The following KCNIP4 variants were observed in gnomAD, a reference collection of about 807,000 sequenced individuals.
KCNIP4 encodes Kv channel-interacting protein 4.
In KCNIP4, 12 loss-of-function variants were observed where a neutral mutation model predicts 34.0. The observed-to-expected ratio is 0.35, with a 90% CI of 0.23 to 0.57. KCNIP4 has a LOEUF of 0.57. Among genes scored for constraint, KCNIP4 ranks in the 20% least tolerant of loss-of-function variants. The pLI is 0.83. For synonymous variants in KCNIP4, 124 were observed against 102.2 expected (o/e 1.21, Z -1.29); for missense variants, 238 against 311.7 (o/e 0.76, Z 1.78).
intron 1 of KCNIP4, among the ~76,000 whole-genome samples, chr4:21,183,109 C>T (rs899140194): frequency 2.6e-5 from 4 of 152,090 alleles, no homozygotes; most frequent in Admixed American, 1.3e-4. Flanking sequence ...TTGCAGCACA[C>T]GTCTTTGTGT....
chr4:21,184,609 G>A (rs1365292880), intron 1 of KCNIP4, among the ~76,000 whole-genome samples: 1 of 152,154 alleles, frequency 6.6e-6, no homozygotes, highest in South Asian at 2.1e-4. Flanking sequence ...TGGCACTTTT[G>A]TGTGTTCCAC....
intron 2 of KCNIP4, among the ~76,000 whole-genome samples, chr4:20,852,957 G>A (rs950966739): frequency 2.6e-5 from 4 of 152,118 alleles, no homozygotes; most frequent in Non-Finnish European, 5.9e-5. Flanking sequence ...ACAAAACACT[G>A]TTGAAAGAAA....
intron 1 of KCNIP4, among the ~76,000 whole-genome samples, chr4:21,338,264 CA>C (rs869150288): frequency 0.038 from 1,888 of 50,036 alleles, 35 homozygotes; most frequent in African/African-American, 0.084. Context: ...GACTCCTTCT[CA>C]AAAAAAAAAA....
At chr4:21,183,997 T>C (rs1407185964) in intron 1 of KCNIP4, among the ~76,000 whole-genome samples, 2 of 152,136 alleles carry the variant, frequency 1.3e-5, no homozygotes, top group African/African-American at 2.4e-5. Flanking sequence ...CCAAAAATTG[T>C]TGTTTATTAA....
At chr4:21,589,327 C>CAT (rs1410227798) in intron 1 of KCNIP4, among the ~76,000 whole-genome samples, 18 of 139,324 alleles carry the variant, frequency 1.3e-4, no homozygotes, top group Admixed American at 4.3e-4. Flanking sequence ...TACATATACA[C>CAT]GTGTATATAT....
At chr4:21,219,910 G>A (rs1403274398) in intron 1 of KCNIP4, among the ~76,000 whole-genome samples, 1 of 152,110 alleles carries the variant, frequency 6.6e-6, no homozygotes, top group Non-Finnish European at 1.5e-5. Context: ...TTCTTCTTCT[G>A]TATAAAATAC....
intron 3 of KCNIP4, among the ~76,000 whole-genome samples, chr4:20,849,021 C>T (rs932696105): frequency 6.6e-6 from 1 of 152,142 alleles, no homozygotes; most frequent in Admixed American, 6.5e-5. Context: ...ATTGCAAATA[C>T]CTGCTGTCTC....
chr4:21,758,937 T>A (rs183628176), intron 1 of KCNIP4, among the ~76,000 whole-genome samples: 4,566 of 152,092 alleles, frequency 0.03, 212 homozygotes, highest in African/African-American at 0.1. Flanking sequence ...ATAACAATAA[T>A]AATAATAATA....
chr4:21,786,004 A>C (rs558829600), intron 1 of KCNIP4, among the ~76,000 whole-genome samples: 1 of 152,284 alleles, frequency 6.6e-6, no homozygotes, highest in African/African-American at 2.4e-5. Flanking sequence ...GAATGAGTGC[A>C]GTGGCACTAT....
chr4:21,263,991 G>T (rs903291029), intron 1 of KCNIP4, among the ~76,000 whole-genome samples: 4 of 151,872 alleles, frequency 2.6e-5, no homozygotes, highest in African/African-American at 7.3e-5. Flanking sequence ...GTGTGTGTGT[G>T]TATCCTTATC....
chr4:21,403,761 G>A (rs1174427029), intron 1 of KCNIP4, among the ~76,000 whole-genome samples: 1 of 152,132 alleles, frequency 6.6e-6, no homozygotes, highest in African/African-American at 2.4e-5. Flanking sequence ...TTTCTGGTGG[G>A]GACCCATGCT....
intron 1 of KCNIP4, among the ~76,000 whole-genome samples, chr4:21,356,289 C>T (rs964505667): frequency 1.3e-5 from 2 of 152,166 alleles, no homozygotes; most frequent in Non-Finnish European, 2.9e-5. Context: ...CTCACCATTC[C>T]TATTCAACAC....
At chr4:20,749,354 C>T (rs1406830079) in intron 5 of KCNIP4, among the ~76,000 whole-genome samples, 1 of 152,156 alleles carries the variant, frequency 6.6e-6, no homozygotes, top group Non-Finnish European at 1.5e-5. Context: ...TCTACCACAG[C>T]AACTGGCCCA....
chr4:21,488,449 A>T (rs1313878642), intron 1 of KCNIP4, among the ~76,000 whole-genome samples: 1 of 152,166 alleles, frequency 6.6e-6, no homozygotes, highest in Non-Finnish European at 1.5e-5. Flanking sequence ...AATTTTCTTA[A>T]GCCTGGGAGA....
chr4:21,280,297 T>A (rs1437949279), intron 1 of KCNIP4, among the ~76,000 whole-genome samples: 1 of 152,182 alleles, frequency 6.6e-6, no homozygotes, highest in Non-Finnish European at 1.5e-5. Flanking sequence ...ATAAGAGTTT[T>A]CTATATTTAT....
intron 1 of KCNIP4, among the ~76,000 whole-genome samples, chr4:21,522,943 A>C (rs1462063399): frequency 6.6e-6 from 1 of 152,040 alleles, no homozygotes; most frequent in African/African-American, 2.4e-5. Flanking sequence ...TTGAATACTA[A>C]CATTCAAGCT....
intron 1 of KCNIP4, among the ~76,000 whole-genome samples, chr4:21,703,845 A>G (rs1713057345): frequency 6.6e-6 from 1 of 152,214 alleles, no homozygotes; most frequent in Non-Finnish European, 1.5e-5. Flanking sequence ...AAAAAAATGT[A>G]TATAGATGTA....
At chr4:21,832,861 A>T (rs1014762268) in intron 1 of KCNIP4, among the ~76,000 whole-genome samples, 1 of 150,686 alleles carries the variant, frequency 6.6e-6, no homozygotes, top group African/African-American at 2.5e-5. Context: ...TGTTCTTGCG[A>T]TACTTTACTG....
intron 7 of KCNIP4, among the ~76,000 whole-genome samples, chr4:20,732,270 A>G (rs1426073670): frequency 6.6e-6 from 1 of 152,196 alleles, no homozygotes; most frequent in Non-Finnish European, 1.5e-5. Context: ...CCTTTTCAAT[A>G]TAATGTGGTG....
Sources: allele counts gnomAD v4.1 joint callset (sites outside exome capture counted in the v4.1 genomes callset), GRCh38; gene constraint gnomAD v4.1.1; transcripts MANE v1.5; gene names NCBI Gene and HGNC (gene_info 2026-07-23, HGNC 2026-07-21).